RBMS3: variants seen among roughly 807,000 people sequenced by gnomAD.
The protein encoded by RBMS3 is RNA binding motif single stranded interacting protein 3.
A neutral mutation model predicts 66.8 loss-of-function variants in RBMS3; 27 were observed. That is an observed-to-expected ratio of 0.40 (90% CI 0.30 to 0.56). RBMS3 has a LOEUF of 0.56. Ranked by LOEUF, RBMS3 falls within the 20% of genes least tolerant of loss-of-function variation. The probability of loss-of-function intolerance (pLI) is 0.40; values close to 1 mark genes in which losing one functional copy is unlikely to be tolerated. For missense variants in RBMS3, 513 were observed against 549.5 expected, an observed-to-expected ratio of 0.93 and a Z score of 0.66; for synonymous variants, 188 against 183.0, an observed-to-expected ratio of 1.03 and a Z score of -0.22.
intron 6 of RBMS3, among the ~76,000 whole-genome samples, chr3:29,814,898 A>T (rs1447379287): frequency 6.6e-6 from 1 of 152,184 alleles, no homozygotes; most frequent in Non-Finnish European, 1.5e-5. Context: ...GATATTTAAC[A>T]CATGGCCCTC....
Position 30,010,039 on chromosome 3 carries a change from T to G in RBMS3, c.*6177T>G, listed in dbSNP as rs1699918213. ...TGGAATCTTAATTTAAAAAAATATA[T>G]GTAGTAGTATCTGCTATGAGATATT... On this transcript the variant is annotated 3_prime_UTR_variant, in exon 15 of 15. Transcript: ENST00000383767. The G allele has an allele frequency of 6.6e-6, 1 of 151,880 alleles. No homozygotes were observed. Among genetic ancestry groups the G allele is most frequent in the African/African-American group, 2.4e-5 (1 of 41,314 alleles). 9.4% of individuals were successfully genotyped at this position (151,880 alleles called of 1,614,324 possible). A position where few individuals can be genotyped will look rare whatever the true frequency, so the allele number is the denominator to read the frequency against.
chr3:29,898,736 CGTGTGTGTGTGT>C (rs3072651), intron 9 of RBMS3, among the ~76,000 whole-genome samples: 5 of 142,614 alleles, frequency 3.5e-5, no homozygotes, highest in African/African-American at 1.3e-4. Flanking sequence ...TTGTAATGTG[CGTGTGTGTGTGT>C]GTGTGTGTGT....
intron 4 of RBMS3, among the ~76,000 whole-genome samples, chr3:29,646,375 C>A (rs1288938339): frequency 6.6e-6 from 1 of 152,140 alleles, no homozygotes; most frequent in Non-Finnish European, 1.5e-5. Flanking sequence ...ACAGCAAAGT[C>A]AATAAAAGTG....
chr3:29,690,450 A>G (rs1415751420), intron 4 of RBMS3, among the ~76,000 whole-genome samples: 1 of 152,148 alleles, frequency 6.6e-6, no homozygotes, highest in Admixed American at 6.6e-5. Context: ...AACAAATGAT[A>G]TATGTATATT....
intron 3 of RBMS3, among the ~76,000 whole-genome samples, chr3:29,492,123 A>G (rs543649361): frequency 6.6e-6 from 1 of 152,188 alleles, no homozygotes; most frequent in Admixed American, 6.5e-5. Flanking sequence ...CTCAGCATGT[A>G]GAGTCTCTGC....
At chr3:29,737,039 T>C (rs1007691025) in intron 4 of RBMS3, among the ~76,000 whole-genome samples, 2 of 152,014 alleles carry the variant, frequency 1.3e-5, no homozygotes, top group African/African-American at 4.8e-5. Flanking sequence ...TGCAGTGGCA[T>C]GATCTCAGCT....
At chr3:29,359,689 C>G (rs372302504) in intron 1 of RBMS3, among the ~76,000 whole-genome samples, 32 of 152,004 alleles carry the variant, frequency 2.1e-4, no homozygotes, top group East Asian at 1.7e-3. Context: ...ACTTTTTTTG[C>G]TTGGTAAGCT....
intron 6 of RBMS3, among the ~76,000 whole-genome samples, chr3:29,860,024 C>G (rs929282790): frequency 6.6e-6 from 1 of 152,184 alleles, no homozygotes; most frequent in African/African-American, 2.4e-5. Context: ...TTCTGCAAGA[C>G]CTTCCTGGAT....
chr3:29,296,211 A>G (rs761921115), intron 1 of RBMS3, among the ~76,000 whole-genome samples: 1 of 151,854 alleles, frequency 6.6e-6, no homozygotes, highest in Non-Finnish European at 1.5e-5. Flanking sequence ...GCCACCTTAT[A>G]TACAAAGTAA....
At chr3:29,358,761 C>T (rs2037383939) in intron 1 of RBMS3, among the ~76,000 whole-genome samples, 1 of 152,154 alleles carries the variant, frequency 6.6e-6, no homozygotes, top group Non-Finnish European at 1.5e-5. Flanking sequence ...AGGTCCTTCA[C>T]ATCCCTTGTA....
chr3:29,713,758 A>G lies in RBMS3; in HGVS notation c.400-25962A>G, dbSNP rs552988825. On this transcript the variant is annotated intron_variant, in intron 4 of 14. Coordinates refer to ENST00000383767, the MANE Select transcript of RBMS3 (RefSeq NM_001003793.3). ...CCATTCTATGGTGAAAAACTTTGCT[A>G]AAAATCTGTTATTGGGCCAGGTGCT... 2.0e-5 allele frequency among the ~76,000 whole-genome samples: 3 copies of G among 152,258 alleles called. No homozygotes were observed. In the South Asian group the frequency reaches 6.2e-4, roughly 32 times the overall value.
At chr3:29,337,845 G>A (rs1232938133) in intron 1 of RBMS3, among the ~76,000 whole-genome samples, 1 of 152,140 alleles carries the variant, frequency 6.6e-6, no homozygotes, top group Non-Finnish European at 1.5e-5. Flanking sequence ...TAGGGGACAT[G>A]TTTGATAAGC....
chr3:29,434,547 T>C (rs948544334), intron 1 of RBMS3, among the ~76,000 whole-genome samples, 196 bp from the exon 2 acceptor site: 12 of 152,198 alleles, frequency 7.9e-5, no homozygotes, highest in Admixed American at 5.9e-4. Context: ...GGCTGACTTA[T>C]GCTGATCTGA....
chr3:29,752,881 G>C (rs1322777893), intron 5 of RBMS3, among the ~76,000 whole-genome samples: 1 of 152,156 alleles, frequency 6.6e-6, no homozygotes, highest in Non-Finnish European at 1.5e-5. Context: ...GCCCAGTCAA[G>C]ATAAGATTAC....
At chr3:29,657,667 G>A (rs112937016) in intron 4 of RBMS3, among the ~76,000 whole-genome samples, 275 of 152,270 alleles carry the variant, frequency 1.8e-3, no homozygotes, top group African/African-American at 6.1e-3. Flanking sequence ...GTAATATAAC[G>A]ATAAAATGAT....
chr3:29,386,271 AT>A (rs2039005599), intron 1 of RBMS3, among the ~76,000 whole-genome samples: 1 of 151,242 alleles, frequency 6.6e-6, no homozygotes, highest in Non-Finnish European at 1.5e-5. Flanking sequence ...AACCTATTAT[AT>A]TTTTCTAGTC....
chr3:29,704,262 C>A (rs771044384), intron 4 of RBMS3, among the ~76,000 whole-genome samples: 1 of 152,136 alleles, frequency 6.6e-6, no homozygotes, highest in African/African-American at 2.4e-5. Context: ...TCCCTGGTGC[C>A]GTAAAGGTTG....
At chr3:29,602,415 A>G (rs951475342) in intron 4 of RBMS3, among the ~76,000 whole-genome samples, 9 of 152,008 alleles carry the variant, frequency 5.9e-5, no homozygotes, top group African/African-American at 1.9e-4. Context: ...CATATGGTAA[A>G]TGCTCCAATC....
chr3:29,380,296 C>T (rs1248157953), intron 1 of RBMS3, among the ~76,000 whole-genome samples: 1 of 151,534 alleles, frequency 6.6e-6, no homozygotes, highest in Non-Finnish European at 1.5e-5. Context: ...TAAAAATATC[C>T]TGTAATTTTT....
Sources: allele counts gnomAD v4.1 joint callset (sites outside exome capture counted in the v4.1 genomes callset), GRCh38; gene constraint gnomAD v4.1.1; transcripts MANE v1.5; gene names NCBI Gene and HGNC (gene_info 2026-07-23, HGNC 2026-07-21).